Variants in MUC7 observed in about 807,000 individuals in gnomAD.
The protein encoded by MUC7 is mucin-7.
MUC7 carries 2 observed loss-of-function variants against 2.5 expected under a neutral mutation model. The ratio of observed to expected loss-of-function variants is 0.81; its 90% CI spans 0.33 to 2.55. MUC7 has a LOEUF of 2.55. Among genes scored for constraint, MUC7 ranks in the 30% most tolerant of loss-of-function variants. The pLI is 0.11. For missense variants in MUC7, 408 were observed against 455.6 expected (o/e 0.90, Z 0.95); for synonymous variants, 133 against 173.4 (o/e 0.77, Z 1.83).
chr4:70,453,313 T>C (rs531684602), intron 1 of MUC7, among the ~76,000 whole-genome samples: 1 of 152,370 alleles, frequency 6.6e-6, no homozygotes, highest in South Asian at 2.1e-4. Flanking sequence ...TGTTCTAGTG[T>C]AGTGCAGCTA....
At chr4:70,474,631 C>A (rs1260814697) in intron 2 of MUC7, among the ~76,000 whole-genome samples, 3 of 152,052 alleles carry the variant, frequency 2.0e-5, no homozygotes, top group African/African-American at 7.2e-5. Context: ...TATCCAATAT[C>A]TATAGAGCAC....
chr4:70,481,034 A>G lies in MUC7; in HGVS notation c.290A>G (p.Asn97Ser). 1 of 1,614,092 alleles carries G rather than the reference A, an allele frequency of 6.2e-7. No homozygotes were observed. Among genetic ancestry groups the G allele is most frequent in the Non-Finnish European group, 8.5e-7 (1 of 1,180,002 alleles). ...PHQPPKHPDK[N>S]SSVVNPTLVA... is the part of the protein sequence containing the mutation. ...CAGCCACCTAAACATCCAGATAAAA[A>G]TAGCAGTGTGGTCAACCCTACCTTA... Residue 97 changes from asparagine to serine, a missense_variant, in exon 3 of 3, where the codon AAT (asparagine) becomes AGT (serine). Around this residue, in one of 3 missense-constraint regions of MUC7, gnomAD observed 225 missense variants for 240.5 expected, o/e 0.94. Transcript: ENST00000304887.
rs556082471 is a variant in MUC7 at position 70,460,272 on chromosome 4, C to T, written c.-92-11943C>T. Among the ~76,000 whole-genome samples the T allele has an allele frequency of 3.4e-4, 51 of 152,116 alleles. No individual in the cohort carries two copies. The South Asian group carries it at 0.01, about 31-fold the overall frequency. On this transcript the variant is annotated intron_variant, in intron 1 of 3. Transcript: ENST00000413702. ...AAATTGTGAGGTACCAATCAATTAT[C>T]AAAGCTCAGAATGGTGAAAGAGAAA...
At chr4:70,451,682 TG>T (rs1318327390) in intron 1 of MUC7, among the ~76,000 whole-genome samples, 2 of 152,198 alleles carry the variant, frequency 1.3e-5, no homozygotes, top group Non-Finnish European at 2.9e-5. Context: ...TGACCTAACA[TG>T]TGGTATATTT....
intron 1 of MUC7, among the ~76,000 whole-genome samples, chr4:70,432,973 T>C (rs1447686354): frequency 1.3e-5 from 2 of 152,256 alleles, no homozygotes; most frequent in East Asian, 3.8e-4. Flanking sequence ...CCGACACCAC[T>C]TATTACATAG....
chr4:70,457,595 A>T (rs11937219), intron 1 of MUC7, among the ~76,000 whole-genome samples: 5 of 151,976 alleles, frequency 3.3e-5, no homozygotes, highest in Non-Finnish European at 5.9e-5. Flanking sequence ...ACCTGTGAAA[A>T]GAGAAGAGGA....
At chr4:70,461,855 C>A (rs1734565535) in intron 1 of MUC7, among the ~76,000 whole-genome samples, 1 of 151,328 alleles carries the variant, frequency 6.6e-6, no homozygotes, top group Non-Finnish European at 1.5e-5. Flanking sequence ...AAAGAGCCAG[C>A]TTTAGTAAAC....
intron 1 of MUC7, among the ~76,000 whole-genome samples, chr4:70,458,914 C>T (rs4283740): frequency 0.81 from 122,429 of 152,044 alleles, 49,774 homozygotes; most frequent in Middle Eastern, 0.89. Flanking sequence ...CAGAATTCAA[C>T]GGGAAAATAT....
chr4:70,473,969 T>C, intron 1 of MUC7, 38 bp from the exon 2 acceptor site: 1 of 1,444,470 alleles, frequency 6.9e-7, no homozygotes, highest in Non-Finnish European at 9.7e-7. Context: ...TCCCATAATA[T>C]CATAACTAAT....
intron 1 of MUC7, 51 bp from the exon 2 acceptor site, chr4:70,473,956 C>A: frequency 7.7e-7 from 1 of 1,301,062 alleles, no homozygotes. Flanking sequence ...AAACGCATTC[C>A]TCTCCCATAA....
At chr4:70,430,712 T>G (rs1268613618) in intron 1 of MUC7, 2 of 152,138 alleles carry the variant, frequency 1.3e-5, no homozygotes, top group Non-Finnish European at 2.9e-5. Flanking sequence ...ATTCACAAAT[T>G]AAGACTTTTG....
chr4:70,464,030 G>A (rs1734620652), intron 1 of MUC7, among the ~76,000 whole-genome samples: 1 of 152,202 alleles, frequency 6.6e-6, no homozygotes, highest in Admixed American at 6.5e-5. Context: ...GGTGATTTCT[G>A]CATTTCCAAC....
intron 1 of MUC7, among the ~76,000 whole-genome samples, chr4:70,444,603 T>G (rs1231868898): frequency 1.3e-5 from 2 of 152,236 alleles, no homozygotes; most frequent in African/African-American, 4.8e-5. Context: ...GCATCTTTTT[T>G]TATAGCCACT....
chr4:70,434,015 G>A (rs1409316893), intron 1 of MUC7, among the ~76,000 whole-genome samples: 2 of 152,104 alleles, frequency 1.3e-5, no homozygotes, highest in Non-Finnish European at 2.9e-5. Context: ...CTGTTTACAT[G>A]ATGGATTACG....
chr4:70,461,390 T>G (rs558221084), intron 1 of MUC7, among the ~76,000 whole-genome samples: 1 of 152,230 alleles, frequency 6.6e-6, no homozygotes. Context: ...ACTTTCTATA[T>G]GCAGATGATA....
chr4:70,466,131 G>A (rs995489337), intron 1 of MUC7, among the ~76,000 whole-genome samples: 3 of 152,126 alleles, frequency 2.0e-5, no homozygotes, highest in Non-Finnish European at 2.9e-5. Context: ...AAGAATTTTT[G>A]ACCCAGAATT....
chr4:70,481,576 C>A lies in MUC7; in HGVS notation c.832C>A (p.Pro278Thr). 2 of 1,612,874 alleles carry A rather than the reference C, an allele frequency of 1.2e-6. No homozygotes were observed. Among genetic ancestry groups the A allele is most frequent in the Non-Finnish European group, 1.7e-6 (2 of 1,179,892 alleles). The change falls in exon 3 of 3, where the codon CCA (proline) becomes ACA (threonine). Residue 278 changes from proline to threonine, a missense_variant. By Grantham distance (38) the Pro-to-Thr change is conservative (BLOSUM62 -1). Around this residue, in one of 3 missense-constraint regions of MUC7, gnomAD observed 175 missense variants for 187.1 expected, o/e 0.94. Transcript: ENST00000304887. ...TLDPSSASAP[P>T]ETTAAPPTPS... Reference sequence around the variant, plus strand: ...AGACCCATCATCCGCCTCAGCTCCACCAGAGACCACAGCTGCCCCACCCAC... The same window carrying A: ...AGACCCATCATCCGCCTCAGCTCCAACAGAGACCACAGCTGCCCCACCCAC...
At chr4:70,436,074 GT>G (rs1733824020) in intron 1 of MUC7, among the ~76,000 whole-genome samples, 1 of 152,184 alleles carries the variant, frequency 6.6e-6, no homozygotes, top group Non-Finnish European at 1.5e-5. Context: ...CAGATCTGCT[GT>G]TAGTCTGATG....
At chr4:70,449,456 A>G (rs1397559685) in intron 1 of MUC7, among the ~76,000 whole-genome samples, 1 of 152,168 alleles carries the variant, frequency 6.6e-6, no homozygotes, top group East Asian at 1.9e-4. Flanking sequence ...AACCACCCCC[A>G]TGATTCAGTT....
Sources: allele counts gnomAD v4.1 joint callset (sites outside exome capture counted in the v4.1 genomes callset), GRCh38; gene constraint gnomAD v4.1.1; regional missense constraint gnomAD v4.1.1; transcripts MANE v1.5; gene names NCBI Gene and HGNC (gene_info 2026-07-23, HGNC 2026-07-21).